RGS5: variants seen among roughly 807,000 people sequenced by gnomAD.
RGS5 encodes regulator of G-protein signalling 5.
In RGS5, 20 loss-of-function variants were observed where a neutral mutation model predicts 18.9. The observed-to-expected ratio is 1.06, with a 90% confidence interval of 0.74 to 1.54. RGS5 has a LOEUF of 1.54. Among genes scored for constraint, RGS5 ranks in the 40% most tolerant of loss-of-function variants. The probability of loss-of-function intolerance (pLI) is 0.00; values close to 1 mark genes in which losing one functional copy is unlikely to be tolerated. For missense variants in RGS5, 201 were observed against 211.8 expected (o/e 0.95, Z 0.32); for synonymous variants, 57 against 76.2 (o/e 0.75, Z 1.31).
chr1:163,159,017 C>T (rs528133865), intron 3 of RGS5, among the ~76,000 whole-genome samples: 36 of 152,264 alleles, frequency 2.4e-4, no homozygotes, highest in Non-Finnish European at 3.4e-4. Context: ...AAGAATTCAG[C>T]GATATTTCTC....
chr1:163,185,567 T>C (rs1370565856), intron 1 of RGS5, among the ~76,000 whole-genome samples: 1 of 152,212 alleles, frequency 6.6e-6, no homozygotes, highest in Non-Finnish European at 1.5e-5. Flanking sequence ...CTGTCTCATT[T>C]ACTTTCTAAT....
At chr1:163,232,885 TA>T (rs1174951296) in intron 2 of RGS5, among the ~76,000 whole-genome samples, 1 of 152,210 alleles carries the variant, frequency 6.6e-6, no homozygotes, top group South Asian at 2.1e-4. Context: ...GTGTCTCTTT[TA>T]AAACCACTGT....
intron 1 of RGS5, among the ~76,000 whole-genome samples, chr1:163,175,699 T>A (rs189941461): frequency 2.6e-5 from 4 of 152,366 alleles, no homozygotes; most frequent in Admixed American, 2.6e-4. Context: ...TTGCTTGTGC[T>A]TTAACAGCAT....
intron 1 of RGS5, chr1:163,172,564 A>G (rs1383696180): frequency 1.9e-6 from 3 of 1,549,948 alleles, no homozygotes; most frequent in Non-Finnish European, 1.7e-6. Context: ...ATACCAGAAC[A>G]TCAGGTTACT....
In RGS5 at chr1:163,209,056, A is replaced by G. The variant is rs189155015; in HGVS notation, c.69+8470T>C. Among the ~76,000 whole-genome samples the G allele has an allele frequency of 1.0e-3, 155 of 152,356 alleles. 3 individuals carry two copies. ...AACAATTCAAAAAGAAAATTAGTTA[A>G]GTCCAATTAAGTAGAAATATTACAA... On this transcript the variant is annotated intron_variant, in intron 1 of 5. Coordinates refer to the RGS5 transcript ENST00000367903.
intron 1 of RGS5, chr1:163,318,700 T>A (rs1340686139): frequency 1.3e-5 from 2 of 150,280 alleles, no homozygotes; most frequent in South Asian, 2.2e-4. Context: ...CCAAGAAGCA[T>A]GAGACAGGTA....
chr1:163,210,096 C>T (rs1255090329), intron 1 of RGS5, among the ~76,000 whole-genome samples: 1 of 151,696 alleles, frequency 6.6e-6, no homozygotes, highest in African/African-American at 2.4e-5. Flanking sequence ...CTCAAGTCAT[C>T]CTCTCACCTC....
chr1:163,249,281 G>A (rs773728654), intron 2 of RGS5, among the ~76,000 whole-genome samples: 43 of 152,302 alleles, frequency 2.8e-4, no homozygotes, highest in Admixed American at 7.8e-4. Context: ...CCATATAGAA[G>A]CTTTTAGTTT....
At chr1:163,228,485 C>T (rs1221497229) in intron 2 of RGS5, among the ~76,000 whole-genome samples, 1 of 152,166 alleles carries the variant, frequency 6.6e-6, no homozygotes, top group Non-Finnish European at 1.5e-5. Context: ...CAAGGGGGCC[C>T]TGGACCCGGC....
chr1:163,154,131 G>A (rs923093312), intron 3 of RGS5, among the ~76,000 whole-genome samples: 13 of 152,020 alleles, frequency 8.6e-5, no homozygotes, highest in East Asian at 1.9e-4. Flanking sequence ...TCATATTTAC[G>A]TTCTGAATTC....
intron 2 of RGS5, among the ~76,000 whole-genome samples, chr1:163,240,497 G>A (rs1372591072): frequency 6.6e-6 from 1 of 151,586 alleles, no homozygotes; most frequent in East Asian, 1.9e-4. Context: ...TGGAAATGAA[G>A]GAACTCTTAG....
intron 1 of RGS5, among the ~76,000 whole-genome samples, chr1:163,309,014 G>A (rs1649782544): frequency 1.3e-5 from 2 of 152,186 alleles, no homozygotes; most frequent in Non-Finnish European, 2.9e-5. Flanking sequence ...TTTGCTTATA[G>A]AGGGTCTTGC....
chr1:163,160,217 G>A (rs1315990034), intron 3 of RGS5, among the ~76,000 whole-genome samples: 1 of 152,066 alleles, frequency 6.6e-6, no homozygotes, highest in Non-Finnish European at 1.5e-5. Flanking sequence ...CTCCTTAAAG[G>A]TTTTGAAAAC....
intron 1 of RGS5, chr1:163,210,684 C>T (rs991601113): frequency 1.3e-5 from 2 of 152,164 alleles, no homozygotes; most frequent in Non-Finnish European, 2.9e-5. Flanking sequence ...TATAACAGTG[C>T]CTTACACACA....
At chr1:163,276,532 T>C (rs995701295) in intron 2 of RGS5, among the ~76,000 whole-genome samples, 4 of 152,344 alleles carry the variant, frequency 2.6e-5, no homozygotes, top group Admixed American at 6.5e-5. Flanking sequence ...GATCAACAAA[T>C]AGAAGTTAAA....
At chr1:163,153,022 A>G (rs1657438853) in intron 3 of RGS5, among the ~76,000 whole-genome samples, 1 of 152,202 alleles carries the variant, frequency 6.6e-6, no homozygotes, top group African/African-American at 2.4e-5. Context: ...TATTTAAGTG[A>G]CAAACGTTTA....
Position 163,270,842 on chromosome 1 carries a change from G to A in RGS5, c.-281+35391C>T, listed in dbSNP as rs530063162. ...AGAATTAATCAAGTCAGACAATGAG[G>A]AAGAAAAATAATCACTCTACAGCTC... On this transcript the variant is annotated intron_variant, in intron 2 of 5. Coordinates refer to the RGS5 transcript ENST00000618415. Among the ~76,000 whole-genome samples the A allele has an allele frequency of 3.3e-5, 5 of 152,252 alleles. No individual in the cohort carries two copies. The South Asian group carries it at 6.2e-4, about 19-fold the overall frequency.
intron 1 of RGS5, among the ~76,000 whole-genome samples, chr1:163,198,012 A>G (rs1350810583): frequency 1.3e-5 from 2 of 152,144 alleles, no homozygotes; most frequent in Non-Finnish European, 2.9e-5. Context: ...AGTGCTTTTA[A>G]AGGTTTAACA....
intron 1 of RGS5, chr1:163,319,074 C>T (rs1253758091): frequency 6.6e-6 from 1 of 152,162 alleles, no homozygotes; most frequent in Non-Finnish European, 1.5e-5. Flanking sequence ...AGTGAATCAA[C>T]TTTTTGTCCC....
Sources: allele counts gnomAD v4.1 joint callset (sites outside exome capture counted in the v4.1 genomes callset), GRCh38; gene constraint gnomAD v4.1.1; transcripts MANE v1.5; gene names NCBI Gene and HGNC (gene_info 2026-07-23, HGNC 2026-07-21).